DOCK1: variants seen among roughly 807,000 people sequenced by gnomAD.
DOCK1 encodes dedicator of cytokinesis 1, also known as dedicator of cytokinesis protein 1.
In DOCK1, 138 loss-of-function variants were observed where a neutral mutation model predicts 262.7. The ratio of observed to expected loss-of-function variants is 0.53; its 90% CI spans 0.46 to 0.61. DOCK1 has a LOEUF of 0.61. Ranked by LOEUF, DOCK1 falls within the 20% of genes least tolerant of loss-of-function variation. DOCK1 has a pLI of 0.00. For missense variants in DOCK1, 1,908 were observed against 2,370.7 expected (o/e 0.80, Z 4.05); for synonymous variants, 866 against 867.4 (o/e 1.00, Z 0.03).
chr10:127,392,718 G>C (rs1410703233), intron 38 of DOCK1, among the ~76,000 whole-genome samples: 1 of 152,182 alleles, frequency 6.6e-6, no homozygotes, highest in Non-Finnish European at 1.5e-5. Flanking sequence ...GCCCCTGGGA[G>C]AGCGAAAGGC....
chr10:127,386,521 A>G (rs1038791558), intron 38 of DOCK1, among the ~76,000 whole-genome samples: 11 of 150,914 alleles, frequency 7.3e-5, no homozygotes, highest in African/African-American at 2.7e-4. Context: ...AATGATACCT[A>G]TTGTGAACTG....
At chr10:126,963,086 AT>A in intron 1 of DOCK1, among the ~76,000 whole-genome samples, 2 of 152,204 alleles carry the variant, frequency 1.3e-5, no homozygotes, top group Middle Eastern at 6.8e-3. Context: ...TTGTCTGTAT[AT>A]TTGTCTTTAT....
intron 27 of DOCK1, among the ~76,000 whole-genome samples, chr10:127,193,825 A>C (rs1047126989): frequency 6.6e-6 from 1 of 152,194 alleles, no homozygotes; most frequent in African/African-American, 2.4e-5. Context: ...AACTGTGGCA[A>C]AACAGAGAAG....
At chr10:127,259,545 T>C (rs1180467486) in intron 29 of DOCK1, among the ~76,000 whole-genome samples, 4 of 152,044 alleles carry the variant, frequency 2.6e-5, no homozygotes, top group Admixed American at 1.3e-4. Context: ...GAGCACAGGG[T>C]GTGGAGGCGG....
chr10:127,059,258 A>G (rs1361629252), intron 22 of DOCK1, among the ~76,000 whole-genome samples: 5 of 151,960 alleles, frequency 3.3e-5, no homozygotes. Flanking sequence ...GTGGTTATTG[A>G]CAATCTTACT....
At chr10:127,074,328 A>G (rs1384608943) in intron 23 of DOCK1, among the ~76,000 whole-genome samples, 1 of 152,198 alleles carries the variant, frequency 6.6e-6, no homozygotes, top group Non-Finnish European at 1.5e-5. Context: ...GAGGGGTCCT[A>G]GGTGGGATGA....
intron 1 of DOCK1, 81 bp from the exon 2 acceptor site, chr10:126,970,621 C>T (rs772301801): frequency 2.3e-4 from 255 of 1,087,580 alleles, no homozygotes; most frequent in Non-Finnish European, 3.2e-4. Context: ...AAAACAACAA[C>T]ATTAAAACAA....
intron 46 of DOCK1, among the ~76,000 whole-genome samples, chr10:127,423,766 T>G (rs1053346494): frequency 5.3e-5 from 8 of 152,276 alleles, no homozygotes; most frequent in African/African-American, 1.9e-4. Flanking sequence ...AGATGTTCTG[T>G]GCTGCTTTCA....
chr10:127,082,945 AG>A (rs2046992266), intron 23 of DOCK1, among the ~76,000 whole-genome samples: 1 of 152,072 alleles, frequency 6.6e-6, no homozygotes, highest in South Asian at 2.1e-4. Context: ...TCTCCTTGGA[AG>A]GCCTGTTCTC....
intron 27 of DOCK1, among the ~76,000 whole-genome samples, chr10:127,133,173 T>C (rs1157929751): frequency 2.6e-5 from 4 of 152,184 alleles, no homozygotes; most frequent in Non-Finnish European, 5.9e-5. Flanking sequence ...CATGGGTGAT[T>C]GATAAGGGCC....
chr10:126,948,924 G>A (rs1280816939), intron 1 of DOCK1, among the ~76,000 whole-genome samples: 6 of 152,134 alleles, frequency 3.9e-5, no homozygotes, highest in Non-Finnish European at 2.9e-5. Flanking sequence ...TCTGGAGCTG[G>A]TTGTATGCCT....
intron 28 of DOCK1, among the ~76,000 whole-genome samples, chr10:127,248,495 C>T (rs1356249663): frequency 6.6e-6 from 1 of 152,198 alleles, no homozygotes; most frequent in African/African-American, 2.4e-5. Flanking sequence ...AGTGACTTTT[C>T]AGCTTTAAGT....
intron 27 of DOCK1, chr10:127,153,748 TGATAGAA>T: frequency 2.3e-6 from 2 of 875,196 alleles, no homozygotes; most frequent in African/African-American, 1.7e-5. Context: ...ACTTTTTGTC[TGATAGAA>T]TCATCCCAGC....
Position 126,905,469 on chromosome 10 carries a change from G to A in DOCK1, c.-49G>A, listed in dbSNP as rs769494782. ...GGCTCGAAAGGAATGGAAAATGGCG[G>A]CCTAGACGCGGAGTTTCCTGCCCGA... On this transcript the variant is annotated 5_prime_UTR_variant, in exon 1 of 52. Coordinates refer to ENST00000623213, the MANE Select transcript of DOCK1 (RefSeq NM_001290223.2). The A allele has an allele frequency of 1.9e-6, 1 of 512,856 alleles. No individual in the cohort carries two copies. The highest frequency in any genetic ancestry group is 2.3e-5 in the South Asian group (1 of 44,248). The allele number at this position is 512,856 out of a possible 1,614,324, so 31.8% of individuals were successfully genotyped here.
intron 25 of DOCK1, among the ~76,000 whole-genome samples, chr10:127,117,623 A>G (rs1350896547): frequency 6.6e-6 from 1 of 151,992 alleles, no homozygotes; most frequent in African/African-American, 2.4e-5. Context: ...AGTTTATGGT[A>G]TAGTTGGTGT....
At chr10:127,180,065 C>T (rs1044719833) in intron 27 of DOCK1, among the ~76,000 whole-genome samples, 1 of 152,210 alleles carries the variant, frequency 6.6e-6, no homozygotes, top group African/African-American at 2.4e-5. Flanking sequence ...CCGTTTGAAT[C>T]ACATGCCCTA....
At chr10:127,445,599 G>T (rs1591091959) in intron 50 of DOCK1, among the ~76,000 whole-genome samples, 1 of 152,156 alleles carries the variant, frequency 6.6e-6, no homozygotes. Flanking sequence ...CAATTTAGTG[G>T]TTCCTCCAAA....
intron 25 of DOCK1, among the ~76,000 whole-genome samples, chr10:127,118,746 A>G (rs2049344081): frequency 6.6e-6 from 1 of 152,328 alleles, no homozygotes; most frequent in Non-Finnish European, 1.5e-5. Context: ...GCCCTGTTCC[A>G]GTCAGAACAC....
At chr10:127,216,458 G>T (rs2058218068) in intron 27 of DOCK1, among the ~76,000 whole-genome samples, 1 of 152,154 alleles carries the variant, frequency 6.6e-6, no homozygotes, top group Non-Finnish European at 1.5e-5. Context: ...TGCTTAGAGG[G>T]GTGGAATTCT....
Sources: allele counts gnomAD v4.1 joint callset (sites outside exome capture counted in the v4.1 genomes callset), GRCh38; gene constraint gnomAD v4.1.1; transcripts MANE v1.5; gene names NCBI Gene and HGNC (gene_info 2026-07-23, HGNC 2026-07-21).